Variants in CRACR2A observed in about 807,000 individuals in gnomAD.
The protein encoded by CRACR2A is EF-hand calcium-binding domain-containing protein 4B.
A neutral mutation model predicts 90.5 loss-of-function variants in CRACR2A; 79 were observed. The observed-to-expected ratio is 0.87, with a 90% confidence interval of 0.73 to 1.05. CRACR2A has a LOEUF of 1.05. Ranked by LOEUF, CRACR2A falls within the 50% of genes least tolerant of loss-of-function variation. CRACR2A has a pLI of 0.00. For synonymous variants in CRACR2A, 338 were observed against 356.7 expected (o/e 0.95, Z 0.59); for missense variants, 823 against 897.2 (o/e 0.92, Z 1.06).
chr12:3,648,706 T>A, intron 10 of CRACR2A, 93 bp from the exon 11 acceptor site: 2 of 1,513,246 alleles, frequency 1.3e-6, no homozygotes, highest in Non-Finnish European at 1.8e-6. Flanking sequence ...GATGCCGTGC[T>A]GGGGATGGAG....
chr12:3,749,573 G>T (rs897293227), intron 1 of CRACR2A, among the ~76,000 whole-genome samples: 2 of 151,834 alleles, frequency 1.3e-5, no homozygotes. Context: ...TTCCCTGTCC[G>T]TGCCTTAGGA....
intron 2 of CRACR2A, among the ~76,000 whole-genome samples, chr12:3,718,337 G>A (rs1196735991): frequency 4.6e-5 from 7 of 152,304 alleles, no homozygotes; most frequent in Non-Finnish European, 8.8e-5. Flanking sequence ...GTGGAACCGA[G>A]GGCCCTGGGT....
At chr12:3,672,649 C>T (rs1378325016) in intron 7 of CRACR2A, 15 of 588,596 alleles carry the variant, frequency 2.5e-5, no homozygotes, top group Non-Finnish European at 3.0e-5. Flanking sequence ...GGACTATGAA[C>T]AGCACAGTGC....
intron 4 of CRACR2A, among the ~76,000 whole-genome samples, chr12:3,680,993 G>T (rs2137619585): frequency 6.6e-6 from 1 of 152,340 alleles, no homozygotes; most frequent in Non-Finnish European, 1.5e-5. Context: ...GGCAGAGCCA[G>T]GCTTCAAACC....
chr12:3,673,570 A>G lies in CRACR2A; in HGVS notation c.547T>C (p.Trp183Arg). 1 of 1,613,816 alleles carries G rather than the reference A, an allele frequency of 6.2e-7. No homozygotes were observed. The change falls in exon 7 of 20, where the codon TGG (tryptophan) becomes CGG (arginine). Residue 183 changes from tryptophan (W) to arginine (R), a missense_variant. Trp to Arg is a moderately radical substitution (Grantham distance 101). Coordinates refer to ENST00000440314, the MANE Select transcript of CRACR2A (RefSeq NM_001144958.2). ...GGTTCCTCCTTCTTCAGCTGCAACCAGAGCTGCTTGACATCACTTTCACTG... is the reference window on the plus strand; with the variant it reads ...GGTTCCTCCTTCTTCAGCTGCAACCGGAGCTGCTTGACATCACTTTCACTG... ...LEDESDVKQL[W>R]LQLKKEEPHL...
Position 3,619,337 on chromosome 12 carries a change from C to T in CRACR2A, c.1968G>A (p.Leu656=), listed in dbSNP as rs1867764079. ...AVGDRVPVLL[L]GNKLDNEKER... Reference sequence around the variant, plus strand: ...CCTTCTCGTTGTCAAGCTTATTACCCAGCAGAAGAACAGGCACCCGGTCTC... The same window carrying T: ...CCTTCTCGTTGTCAAGCTTATTACCTAGCAGAAGAACAGGCACCCGGTCTC... Residue 656 remains leucine, a synonymous_variant, in exon 18 of 20, where the codon CTG becomes CTA. Transcript: ENST00000440314. 6 of 1,551,582 alleles carry T rather than the reference C, an allele frequency of 3.9e-6. No individual in the cohort carries two copies. The highest frequency in any genetic ancestry group is 2.0e-5 in the Admixed American group (1 of 50,992).
At chr12:3,628,562 G>A (rs973233599) in intron 15 of CRACR2A, among the ~76,000 whole-genome samples, 3 of 152,236 alleles carry the variant, frequency 2.0e-5, no homozygotes, top group Non-Finnish European at 2.9e-5. Flanking sequence ...GGCAAGGTCA[G>A]TGAAGTGCAT....
At chr12:3,672,696 G>A (rs1945267993) in intron 7 of CRACR2A, 3 of 927,030 alleles carry the variant, frequency 3.2e-6, no homozygotes, top group Non-Finnish European at 3.9e-6. Context: ...AGGGACTGGT[G>A]TCTAGTGGGC....
intron 1 of CRACR2A, among the ~76,000 whole-genome samples, chr12:3,741,085 G>C (rs1010793886): frequency 6.6e-6 from 1 of 152,176 alleles, no homozygotes; most frequent in Non-Finnish European, 1.5e-5. Context: ...CCAGATAGCA[G>C]GACACACCCA....
chr12:3,643,800 A>ATATATTATATATATACT (rs1944620693), intron 12 of CRACR2A, among the ~76,000 whole-genome samples: 2 of 109,420 alleles, frequency 1.8e-5, no homozygotes, highest in Non-Finnish European at 3.4e-5. Context: ...TTTATATAAT[A>ATATATTATATATATACT]TATATTATAT....
chr12:3,738,707 G>C (rs1946483696), intron 1 of CRACR2A, among the ~76,000 whole-genome samples: 1 of 152,050 alleles, frequency 6.6e-6, no homozygotes, highest in Non-Finnish European at 1.5e-5. Context: ...ATTTAAACAG[G>C]TAATGACTAA....
chr12:3,666,738 T>C (rs972241503), intron 7 of CRACR2A, among the ~76,000 whole-genome samples: 1 of 152,256 alleles, frequency 6.6e-6, no homozygotes, highest in Non-Finnish European at 1.5e-5. Context: ...TGTGGAATAC[T>C]GCTTGGTCAA....
chr12:3,658,583 C>A (rs1278662074), intron 8 of CRACR2A, among the ~76,000 whole-genome samples: 1 of 152,178 alleles, frequency 6.6e-6, no homozygotes, highest in African/African-American at 2.4e-5. Flanking sequence ...ACCAGATTTT[C>A]TTGAAAAGCA....
chr12:3,616,900 G>C, intron 19 of CRACR2A, 54 bp downstream of exon 19: 1 of 1,398,336 alleles, frequency 7.2e-7, no homozygotes. Context: ...CCTCCCTGAA[G>C]GCAGACACAG....
chr12:3,727,021 T>C (rs1431559989), intron 2 of CRACR2A: 1 of 151,932 alleles, frequency 6.6e-6, no homozygotes, highest in Non-Finnish European at 1.5e-5. Context: ...CCGGGCGTGG[T>C]GGCACACCCT....
At chr12:3,664,976 C>T (rs1945102937) in intron 7 of CRACR2A, among the ~76,000 whole-genome samples, 1 of 152,268 alleles carries the variant, frequency 6.6e-6, no homozygotes, top group Non-Finnish European at 1.5e-5. Flanking sequence ...CACTGCACTC[C>T]AACCTGGGTA....
chr12:3,636,751 T>G (rs970650600), intron 14 of CRACR2A, among the ~76,000 whole-genome samples: 2 of 151,650 alleles, frequency 1.3e-5, no homozygotes, highest in African/African-American at 4.8e-5. Flanking sequence ...GGACCCCACA[T>G]TGGTGCCACC....
At chr12:3,680,160 A>G (rs1389629773) in intron 5 of CRACR2A, 78 bp downstream of exon 5, 2 of 1,223,332 alleles carry the variant, frequency 1.6e-6, no homozygotes, top group Non-Finnish European at 2.4e-6. Flanking sequence ...CCCCAGGTCT[A>G]CAAGGGACAG....
In CRACR2A at chr12:3,696,811, A is replaced by C. The variant is rs144314920; in HGVS notation, c.189T>G (p.Asp63Glu). 4.2e-4 allele frequency: 682 copies of C among 1,614,222 alleles called. No homozygotes were observed. Among genetic ancestry groups the C allele is most frequent in the Admixed American group, 6.0e-4 (36 of 60,024 alleles). ...TGGCGATGAAGCCCTTGCCTTCAGCATCACAGGTCTGAAAGAACTCCTGTG... is the reference window on the plus strand; with the variant it reads ...TGGCGATGAAGCCCTTGCCTTCAGCCTCACAGGTCTGAAAGAACTCCTGTG... ...RKAQEFFQTC[D>E]AEGKGFIARK... The change falls in exon 4 of 20, where the codon GAT becomes GAG. Residue 63 changes from aspartate to glutamate, a missense_variant. Transcript: ENST00000440314.
Sources: allele counts gnomAD v4.1 joint callset (sites outside exome capture counted in the v4.1 genomes callset), GRCh38; gene constraint gnomAD v4.1.1; transcripts MANE v1.5; gene names NCBI Gene and HGNC (gene_info 2026-07-23, HGNC 2026-07-21).